DACH2: variants seen among roughly 807,000 people sequenced by gnomAD.
DACH2 encodes dachshund family transcription factor 2.
DACH2 carries 17 observed loss-of-function variants against 35.8 expected under a neutral mutation model. The observed-to-expected ratio is 0.48, with a 90% CI of 0.33 to 0.71. DACH2 has a LOEUF of 0.71. Among genes scored for constraint, DACH2 ranks in the 30% least tolerant of loss-of-function variants. The probability of loss-of-function intolerance (pLI) is 0.02; values close to 1 mark genes in which losing one functional copy is unlikely to be tolerated. For missense variants in DACH2, 469 were observed against 472.7 expected (o/e 0.99, Z 0.07); for synonymous variants, 195 against 177.3 (o/e 1.10, Z -0.79).
intron 6 of DACH2, among the ~76,000 whole-genome samples, chrX:86,716,065 A>G (rs1301359020): frequency 8.9e-6 from 1 of 111,895 alleles, no homozygotes; most frequent in Non-Finnish European, 1.9e-5. Context: ...TCATCTATAT[A>G]TTTAAAACAC....
chrX:86,547,905 G>C (rs1156783428), intron 3 of DACH2, among the ~76,000 whole-genome samples: 1 of 112,169 alleles, frequency 8.9e-6, no homozygotes, highest in Non-Finnish European at 1.9e-5. Flanking sequence ...CACACACTCT[G>C]TGCTCAGTGG....
chrX:86,409,197 A>G (rs1421347773), intron 2 of DACH2, among the ~76,000 whole-genome samples: 1 of 111,523 alleles, frequency 9.0e-6, no homozygotes, highest in Non-Finnish European at 1.9e-5. Flanking sequence ...TTTGCAGACC[A>G]TCACACATCT....
intron 4 of DACH2, among the ~76,000 whole-genome samples, chrX:86,660,199 G>T (rs1330426027): frequency 9.0e-6 from 1 of 111,415 alleles, no homozygotes; most frequent in Admixed American, 9.6e-5. Context: ...ATATTGATGA[G>T]CCAATTGTTT....
intron 3 of DACH2, among the ~76,000 whole-genome samples, chrX:86,647,642 C>T (rs2148403856): frequency 9.0e-6 from 1 of 110,752 alleles, no homozygotes; most frequent in East Asian, 2.8e-4. Flanking sequence ...GTATTGTATA[C>T]TTAAAACTTT....
chrX:86,669,042 T>G (rs1423619658), intron 4 of DACH2, among the ~76,000 whole-genome samples: 1 of 111,744 alleles, frequency 8.9e-6, no homozygotes, highest in East Asian at 2.8e-4. Context: ...TAACAGCTAT[T>G]CCGTATGTTA....
At chrX:86,229,593 C>A (rs1035226106) in intron 1 of DACH2, among the ~76,000 whole-genome samples, 1 of 111,921 alleles carries the variant, frequency 8.9e-6, no homozygotes, top group Non-Finnish European at 1.9e-5. Flanking sequence ...TTCTACCCAT[C>A]CATAAGCATG....
At chrX:86,793,878 C>A (rs773275275) in intron 7 of DACH2, among the ~76,000 whole-genome samples, 3 of 111,915 alleles carry the variant, frequency 2.7e-5, no homozygotes, top group South Asian at 7.3e-4. Context: ...GGTAACATTG[C>A]AAGTTGGAAG....
At chrX:86,474,730 G>T (rs778044962) in intron 2 of DACH2, among the ~76,000 whole-genome samples, 4 of 110,977 alleles carry the variant, frequency 3.6e-5, no homozygotes, top group Non-Finnish European at 7.6e-5. Context: ...TTGTTTTTTT[G>T]TTTTGTTTTG....
intron 1 of DACH2, among the ~76,000 whole-genome samples, chrX:86,322,955 A>C (rs1169555847): frequency 3.6e-5 from 4 of 112,377 alleles, no homozygotes; most frequent in Non-Finnish European, 7.5e-5. Context: ...TCACTGCTGA[A>C]AGCAGAGTTC....
intron 1 of DACH2, among the ~76,000 whole-genome samples, chrX:86,237,421 G>A (rs1298248829): frequency 1.8e-5 from 2 of 111,995 alleles, no homozygotes; most frequent in Non-Finnish European, 3.8e-5. Context: ...TGTCAGCACA[G>A]TAGGTTTTTT....
chrX:86,443,266 A>C (rs984124738), intron 2 of DACH2, among the ~76,000 whole-genome samples: 6 of 111,094 alleles, frequency 5.4e-5, no homozygotes, highest in African/African-American at 2.0e-4. Context: ...CAGTGTAGAG[A>C]CCTTTATCCC....
chrX:86,262,674 T>C (rs1372820600), intron 1 of DACH2, among the ~76,000 whole-genome samples: 1 of 111,403 alleles, frequency 9.0e-6, no homozygotes, highest in African/African-American at 3.3e-5. Flanking sequence ...GTATACCGCC[T>C]CTGACATTTG....
Position 86,814,710 on chromosome X carries a change from G to A in DACH2, c.1560G>A (p.Lys520=). 1 of 1,211,147 alleles carries A rather than the reference G, an allele frequency of 8.3e-7. No homozygotes were observed. The highest frequency in any genetic ancestry group is 1.1e-6 in the Non-Finnish European group (1 of 895,179). The change falls in exon 10 of 12, where the codon AAG becomes AAA. Residue 520 remains lysine, a synonymous_variant. Coordinates refer to ENST00000373125, the MANE Select transcript of DACH2 (RefSeq NM_053281.3). ...CAGCTACTATGCAAAAGCGCCTGAA[G>A]AAGGAGAAAAAAACCAAGAGAAAAT... The part of the protein sequence containing the change: ...QSRTTMQKRL[K]KEKKTKRKLQ...
rs5968859 is a variant in DACH2, at chrX:86,292,061, A to G, written c.489-84763A>G. ...CTGTGAATCCATCTGGTCCTGGACT[A>G]TTTTTGGTTGGTAAGCTATTGATTA... On this transcript the variant is annotated intron_variant, in intron 1 of 11. Transcript: ENST00000373125. Among the ~76,000 whole-genome samples, 5 of 41,707 alleles carry G rather than the reference A, an allele frequency of 1.2e-4. 1 individual carries two copies. Among genetic ancestry groups the G allele is most frequent in the Non-Finnish European group, 1.6e-4 (4 of 25,487 alleles). 36.2% of individuals were successfully genotyped at this position (41,707 alleles called of 115,157 possible).
chrX:86,620,380 T>A (rs1393038242), intron 3 of DACH2, among the ~76,000 whole-genome samples: 3 of 111,691 alleles, frequency 2.7e-5, no homozygotes, highest in Non-Finnish European at 5.6e-5. Context: ...GTCGGGGAAT[T>A]GGTTTTGAAA....
intron 5 of DACH2, among the ~76,000 whole-genome samples, chrX:86,711,233 T>C (rs775852606): frequency 2.7e-5 from 3 of 110,450 alleles, no homozygotes; most frequent in African/African-American, 6.6e-5. Flanking sequence ...AAAAATTAGC[T>C]GGGCATGGTG....
intron 1 of DACH2, among the ~76,000 whole-genome samples, chrX:86,354,875 T>C (rs1331959079): frequency 9.1e-6 from 1 of 109,734 alleles, no homozygotes; most frequent in East Asian, 2.8e-4. Context: ...CAAAACAAAA[T>C]AAAACACTAC....
chrX:86,192,976 A>G (rs2031876966), intron 1 of DACH2, among the ~76,000 whole-genome samples: 1 of 111,885 alleles, frequency 8.9e-6, no homozygotes, highest in Non-Finnish European at 1.9e-5. Context: ...TGTATACACT[A>G]TTTGCAAGAA....
intron 1 of DACH2, among the ~76,000 whole-genome samples, chrX:86,296,434 A>G (rs750978306): frequency 9.2e-6 from 1 of 109,191 alleles, no homozygotes; most frequent in Admixed American, 9.8e-5. Context: ...TTAGTTCATG[A>G]CATATTTGAT....
Sources: allele counts gnomAD v4.1 joint callset (sites outside exome capture counted in the v4.1 genomes callset), GRCh38; gene constraint gnomAD v4.1.1; transcripts MANE v1.5; gene names NCBI Gene and HGNC (gene_info 2026-07-23, HGNC 2026-07-21).